Variants in RASSF6 observed in about 807,000 individuals in gnomAD.
RASSF6 encodes the protein Ras association domain family member 6.
Under a neutral mutation model 44.0 loss-of-function variants are expected in RASSF6, and 52 were observed. The observed-to-expected ratio is 1.18, with a 90% CI of 0.95 to 1.49. The LOEUF is 1.49. Among genes scored for constraint, RASSF6 ranks in the 40% most tolerant of loss-of-function variants. The pLI, the probability that RASSF6 is intolerant of heterozygous loss-of-function variation, is 0.00. For missense variants in RASSF6, 464 were observed against 393.3 expected (o/e 1.18, Z -1.52); for synonymous variants, 162 against 124.6 (o/e 1.30, Z -2.00).
intron 2 of RASSF6, among the ~76,000 whole-genome samples, chr4:73,605,392 G>T (rs543021178): frequency 6.6e-6 from 1 of 152,296 alleles, no homozygotes; most frequent in East Asian, 1.9e-4. Flanking sequence ...AATAGAAGCA[G>T]AATTCTCCAA....
In RASSF6 at chr4:73,585,513, T is replaced by C. The variant is rs1578027194; in HGVS notation, c.383-149A>G. The C allele has an allele frequency of 6.4e-6, 3 of 469,406 alleles. No homozygotes were observed. The East Asian group carries it at 1.0e-4, about 16-fold the overall frequency. The allele number at this position is 469,406 out of a possible 1,614,324, so 29.1% of individuals were successfully genotyped here. A position where few individuals can be genotyped will look rare whatever the true frequency, so the allele number is the denominator to read the frequency against. On this transcript the variant is annotated intron_variant, in intron 5 of 10. Coordinates refer to ENST00000307439, the MANE Select transcript of RASSF6 (RefSeq NM_177532.5). ...ATAGTCCACTGCTTAGCTGCATATT[T>C]ACTTATTAAATGTTGCCTGAGACTG...
intron 4 of RASSF6, among the ~76,000 whole-genome samples, chr4:73,589,443 C>T (rs973165514): frequency 6.6e-6 from 1 of 151,678 alleles, no homozygotes; most frequent in Non-Finnish European, 1.5e-5. Flanking sequence ...GCAAAGTAAC[C>T]TGATGCTATG....
intron 2 of RASSF6, among the ~76,000 whole-genome samples, chr4:73,599,272 T>C (rs1306872152): frequency 6.6e-6 from 1 of 152,158 alleles, no homozygotes; most frequent in Non-Finnish European, 1.5e-5. Context: ...AAGTCAAAGA[T>C]CCCAGCTGGC....
intron 2 of RASSF6, among the ~76,000 whole-genome samples, chr4:73,599,278 C>T (rs28562313): frequency 0.056 from 8,489 of 152,288 alleles, 761 homozygotes; most frequent in African/African-American, 0.19. Context: ...AAGATCCCAG[C>T]TGGCTGGGTG....
chr4:73,595,124 C>T (rs1337472858), intron 3 of RASSF6, among the ~76,000 whole-genome samples: 8 of 152,134 alleles, frequency 5.3e-5, no homozygotes, highest in Non-Finnish European at 8.8e-5. Context: ...GGTAGCCTCA[C>T]CGTACACTTC....
At chr4:73,583,455 G>A (rs1723827547) in intron 6 of RASSF6, among the ~76,000 whole-genome samples, 1 of 152,044 alleles carries the variant, frequency 6.6e-6, no homozygotes, top group African/African-American at 2.4e-5. Context: ...CTAATCTCCA[G>A]ATATGACAAT....
At chr4:73,599,402 C>T (rs2149386004) in intron 2 of RASSF6, among the ~76,000 whole-genome samples, 1 of 152,306 alleles carries the variant, frequency 6.6e-6, no homozygotes, top group African/African-American at 2.4e-5. Flanking sequence ...AGGGGAGGAG[C>T]CCTCTACCTT....
chr4:73,572,426 TAA>T lies in RASSF6; in HGVS notation c.*3807_*3808del, dbSNP rs910146185. 137 of 152,294 alleles carry T rather than the reference TAA, an allele frequency of 9.0e-4. No homozygotes were observed. The highest frequency in any genetic ancestry group is 3.0e-3 in the African/African-American group (126 of 41,562). The allele number at this position is 152,294 out of a possible 1,614,324, so 9.4% of individuals were successfully genotyped here. A position where few individuals can be genotyped will look rare whatever the true frequency, so the allele number is the denominator to read the frequency against. ...AAATGTTCTCACCACAAAGAAATTA[TAA>T]GAGGTTATGGATATGTTAATTAGCT... On this transcript the variant is annotated 3_prime_UTR_variant, in exon 11 of 11. Transcript: ENST00000307439.
chr4:73,619,429 A>C lies in RASSF6; in HGVS notation c.-35+859T>G, dbSNP rs528201955. Among the ~76,000 whole-genome samples the C allele has an allele frequency of 1.1e-4, 17 of 152,294 alleles. No homozygotes were observed. In the South Asian group the frequency reaches 2.3e-3, roughly 20 times the overall value. On this transcript the variant is annotated intron_variant, in intron 1 of 10. Coordinates refer to ENST00000307439, the MANE Select transcript of RASSF6 (RefSeq NM_177532.5). ...CTCCGGGAACCAGTTCAATTCCAGC[A>C]TCCTAATACACACTGTCTGGTCTCC...
chr4:73,611,782 G>A lies in RASSF6; in HGVS notation c.14C>T (p.Ala5Val). The A allele has an allele frequency of 6.2e-7, 1 of 1,611,400 alleles. No homozygotes were observed. The highest frequency in any genetic ancestry group is 8.5e-7 in the Non-Finnish European group (1 of 1,178,030). The change falls in exon 2 of 11, where the codon GCT (alanine) becomes GTT (valine). Residue 5 changes from alanine (A) to valine (V), a missense_variant. Ala to Val is a moderately conservative substitution (Grantham distance 64, BLOSUM62 0). Transcript: ENST00000307439. ...GAAGATCCAAGAGGGGTACTGGTGAGCCATCATAGTCATCTTTTCCTCCTT... is the reference window on the plus strand; with the variant it reads ...GAAGATCCAAGAGGGGTACTGGTGAACCATCATAGTCATCTTTTCCTCCTT... The part of the protein sequence containing the change: MTMM[A>V]HQYPSWIFIN...
At chr4:73,596,602 C>A (rs1724957990) in intron 3 of RASSF6, among the ~76,000 whole-genome samples, 1 of 152,140 alleles carries the variant, frequency 6.6e-6, no homozygotes, top group South Asian at 2.1e-4. Flanking sequence ...TGTTGACATT[C>A]TTCACAGAAA....
chr4:73,600,060 C>A (rs1338516396), intron 2 of RASSF6, among the ~76,000 whole-genome samples: 2 of 152,216 alleles, frequency 1.3e-5, no homozygotes, highest in Admixed American at 1.3e-4. Context: ...AATCAAAAGT[C>A]ATCTTCTCAA....
chr4:73,616,045 C>T (rs892053013), intron 1 of RASSF6: 7 of 957,120 alleles, frequency 7.3e-6, no homozygotes, highest in African/African-American at 1.6e-5. Flanking sequence ...TGGGTTCACT[C>T]GTTTGTAAAT....
At chr4:73,588,649 A>G (rs11729144) in intron 4 of RASSF6, among the ~76,000 whole-genome samples, 88,039 of 151,846 alleles carry the variant, frequency 0.58, 26,222 homozygotes, top group East Asian at 0.68. Flanking sequence ...TAAAAATGAT[A>G]ATAGCATGAG....
intron 2 of RASSF6, among the ~76,000 whole-genome samples, chr4:73,609,560 C>T (rs1725870119): frequency 6.6e-6 from 1 of 152,246 alleles, no homozygotes; most frequent in East Asian, 1.9e-4. Flanking sequence ...ATGAAATTTG[C>T]TGAAACCAAA....
chr4:73,612,238 G>A (rs1303012794), intron 1 of RASSF6, among the ~76,000 whole-genome samples: 1 of 152,072 alleles, frequency 6.6e-6, no homozygotes, highest in Non-Finnish European at 1.5e-5. Context: ...GAGTTGATTA[G>A]GTATGATGTA....
rs1443034060 is a variant in RASSF6, at chr4:73,620,414, G to C, written c.-161C>G. On this transcript the variant is annotated 5_prime_UTR_variant, in exon 1 of 11. Transcript: ENST00000307439. ...GGAAACCAGTGCCCTGTCTCTGCCG[G>C]GCTGGGACTCCGCGAGTCACTCACC... The C allele has an allele frequency of 6.5e-7, 1 of 1,541,944 alleles. No homozygotes were observed. The highest frequency in any genetic ancestry group is 1.2e-5 in the South Asian group (1 of 82,468).
chr4:73,589,483 A>T (rs1486245705), intron 4 of RASSF6, among the ~76,000 whole-genome samples: 1 of 152,052 alleles, frequency 6.6e-6, no homozygotes, highest in Non-Finnish European at 1.5e-5. Flanking sequence ...AATCCCCAGG[A>T]TGCCAGTCAA....
intron 6 of RASSF6, among the ~76,000 whole-genome samples, chr4:73,583,153 T>C (rs1015883351): frequency 2.0e-5 from 3 of 152,116 alleles, no homozygotes; most frequent in Non-Finnish European, 4.4e-5. Context: ...AGACCTAGAT[T>C]TTAGTGCCCA....
Sources: allele counts gnomAD v4.1 joint callset (sites outside exome capture counted in the v4.1 genomes callset), GRCh38; gene constraint gnomAD v4.1.1; transcripts MANE v1.5; gene names NCBI Gene and HGNC (gene_info 2026-07-23, HGNC 2026-07-21).